Variants in PSEN1 observed in about 807,000 individuals in gnomAD.
PSEN1 encodes the protein presenilin-1.
In PSEN1, 15 loss-of-function variants were observed where a neutral mutation model predicts 53.5. The ratio of observed to expected loss-of-function variants is 0.28; its 90% CI spans 0.19 to 0.43. The LOEUF is 0.43. Ranked by LOEUF, PSEN1 falls within the 20% of genes least tolerant of loss-of-function variation. PSEN1 has a pLI of 1.00. For missense variants in PSEN1, 387 were observed against 571.2 expected (o/e 0.68, Z 3.29); for synonymous variants, 208 against 209.8 (o/e 0.99, Z 0.08).
chr14:73,202,768 A>G (rs1237400810), intron 8 of PSEN1, among the ~76,000 whole-genome samples: 5 of 151,468 alleles, frequency 3.3e-5, no homozygotes, highest in African/African-American at 9.7e-5. Flanking sequence ...CACCGTGCCC[A>G]GCCTATCATA....
At chr14:73,198,003 G>T (rs201051530) in intron 7 of PSEN1, 28 bp from the exon 8 acceptor site, 1 of 1,269,550 alleles carries the variant, frequency 7.9e-7, no homozygotes. Flanking sequence ...CATTTTATTA[G>T]ATGTCTTTTA....
At chr14:73,215,319 C>T (rs980212250) in intron 10 of PSEN1, among the ~76,000 whole-genome samples, 3 of 150,088 alleles carry the variant, frequency 2.0e-5, no homozygotes, top group Non-Finnish European at 4.4e-5. Context: ...TGTGGTGGCT[C>T]ACACCTGTAA....
At chr14:73,171,170 G>A in intron 4 of PSEN1, 123 bp downstream of exon 4, 1 of 1,190,214 alleles carries the variant, frequency 8.4e-7, no homozygotes, top group Admixed American at 2.0e-5. Context: ...CCCATCCTCT[G>A]TGATGGTCAG....
At chr14:73,214,243 C>T (rs1045347685) in intron 10 of PSEN1, among the ~76,000 whole-genome samples, 1 of 152,082 alleles carries the variant, frequency 6.6e-6, no homozygotes, top group Non-Finnish European at 1.5e-5. Context: ...AAAAGACCAA[C>T]TATTGCTGGG....
intron 3 of PSEN1, chr14:73,168,145 C>T (rs1469705697): frequency 6.6e-6 from 1 of 152,310 alleles, no homozygotes; most frequent in East Asian, 1.9e-4. Flanking sequence ...CACCTGGGGT[C>T]AGGAGTTCAA....
At chr14:73,161,992 T>TA (rs1179787685) in intron 3 of PSEN1, among the ~76,000 whole-genome samples, 15,814 of 65,158 alleles carry the variant, frequency 0.24, 1,777 homozygotes, top group East Asian at 0.47. Context: ...CCGTTTCCAC[T>TA]AAAAAAAAAA....
intron 5 of PSEN1, among the ~76,000 whole-genome samples, chr14:73,185,017 G>A (rs1208597015): frequency 6.6e-6 from 1 of 150,772 alleles, no homozygotes; most frequent in Admixed American, 6.6e-5. Flanking sequence ...GGGCGGCCGG[G>A]CAGAGACGCT....
At chr14:73,177,336 T>C (rs1179994543) in intron 5 of PSEN1, among the ~76,000 whole-genome samples, 2 of 152,244 alleles carry the variant, frequency 1.3e-5, no homozygotes, top group African/African-American at 4.8e-5. Context: ...GAATTATCCT[T>C]CATACCATTT....
At chr14:73,177,632 A>C (rs1174041184) in intron 5 of PSEN1, among the ~76,000 whole-genome samples, 1 of 152,056 alleles carries the variant, frequency 6.6e-6, no homozygotes, top group Non-Finnish European at 1.5e-5. Context: ...TTACTGAAGG[A>C]TATTGTTACT....
chr14:73,190,192 A>G (rs1386496283), intron 6 of PSEN1, among the ~76,000 whole-genome samples: 7 of 152,212 alleles, frequency 4.6e-5, no homozygotes, highest in Non-Finnish European at 1.5e-5. Context: ...TGCAAGATCT[A>G]TTGAGAATTT....
At chr14:73,192,109 A>G (rs962379809) in intron 6 of PSEN1, among the ~76,000 whole-genome samples, 15 of 151,314 alleles carry the variant, frequency 9.9e-5, no homozygotes, top group East Asian at 3.9e-4. Context: ...TCAGCTTGGG[A>G]AAAAAAAAGT....
intron 9 of PSEN1, among the ~76,000 whole-genome samples, chr14:73,210,820 A>T (rs1009627479): frequency 6.6e-5 from 10 of 152,208 alleles, no homozygotes; most frequent in African/African-American, 1.9e-4. Flanking sequence ...TGCTCTGAAC[A>T]TGTATTACTT....
chr14:73,145,590 TCA>T (rs1049398761), intron 1 of PSEN1, among the ~76,000 whole-genome samples: 1 of 151,962 alleles, frequency 6.6e-6, no homozygotes, highest in African/African-American at 2.4e-5. Flanking sequence ...AACACCCATC[TCA>T]GCCTCCCACA....
intron 7 of PSEN1, among the ~76,000 whole-genome samples, chr14:73,195,484 T>TA (rs1199292113): frequency 1.3e-5 from 2 of 152,238 alleles, no homozygotes; most frequent in African/African-American, 4.8e-5. Context: ...ACTCATCACT[T>TA]ACTAGCTATT....
At chr14:73,209,262 C>T (rs1899582764) in intron 9 of PSEN1, among the ~76,000 whole-genome samples, 1 of 152,206 alleles carries the variant, frequency 6.6e-6, no homozygotes, top group African/African-American at 2.4e-5. Context: ...GCATGCTGCC[C>T]CAGCTGCACC....
chr14:73,196,383 GTACTA>G (rs147434342), intron 7 of PSEN1, among the ~76,000 whole-genome samples: 3,364 of 147,618 alleles, frequency 0.023, 63 homozygotes, highest in Non-Finnish European at 0.035. Flanking sequence ...TTTTATTACT[GTACTA>G]TATTATATTA....
At chr14:73,179,949 TG>T (rs764012315) in intron 5 of PSEN1, among the ~76,000 whole-genome samples, 13 of 152,182 alleles carry the variant, frequency 8.5e-5, no homozygotes, top group Non-Finnish European at 1.3e-4. Flanking sequence ...ATATATTTTT[TG>T]TCGCATTTGT....
chr14:73,180,328 G>A (rs1259347197), intron 5 of PSEN1, among the ~76,000 whole-genome samples: 1 of 152,186 alleles, frequency 6.6e-6, no homozygotes, highest in African/African-American at 2.4e-5. Context: ...TATTCAGCCA[G>A]ATCTCCACAT....
chr14:73,193,922 A>G (rs7160427), intron 7 of PSEN1, among the ~76,000 whole-genome samples: 2,446 of 152,122 alleles, frequency 0.016, 48 homozygotes, highest in East Asian at 0.049. Flanking sequence ...CTCTCAAGGT[A>G]TTGGGATTAT....
Sources: allele counts gnomAD v4.1 joint callset (sites outside exome capture counted in the v4.1 genomes callset), GRCh38; gene constraint gnomAD v4.1.1; transcripts MANE v1.5; gene names NCBI Gene and HGNC (gene_info 2026-07-23, HGNC 2026-07-21).